The following EYA3 variants were observed in gnomAD, a reference collection of about 807,000 sequenced individuals.
The protein encoded by EYA3 is protein phosphatase EYA3.
Under a neutral mutation model 80.0 loss-of-function variants are expected in EYA3, and 39 were observed. The observed-to-expected ratio is 0.49, with a 90% confidence interval of 0.38 to 0.64. EYA3 has a LOEUF of 0.64. Among genes scored for constraint, EYA3 ranks in the 30% least tolerant of loss-of-function variants. EYA3 has a pLI of 0.00. For missense variants in EYA3, 523 were observed against 676.1 expected (o/e 0.77, Z 2.51); for synonymous variants, 206 against 232.8 (o/e 0.88, Z 1.05).
Position 28,035,473 on chromosome 1 carries a change from G to A in EYA3, c.361+71C>T, listed in dbSNP as rs2148845985. On this transcript the variant is annotated intron_variant, in intron 6 of 17. Coordinates refer to ENST00000373871, the MANE Select transcript of EYA3 (RefSeq NM_001990.4). ...AACTAAGTGCTTTGTAAAGAATGAT[G>A]CATGGCTGATCAAAGTTTCTGCGGA... The A allele has an allele frequency of 1.9e-6, 3 of 1,548,988 alleles. No homozygotes were observed. In the East Asian group the frequency reaches 6.8e-5, roughly 35 times the overall value.
chr1:28,030,093 T>C (rs185877386), intron 6 of EYA3, among the ~76,000 whole-genome samples: 2 of 152,198 alleles, frequency 1.3e-5, no homozygotes, highest in Non-Finnish European at 2.9e-5. Context: ...TCTGATAAAC[T>C]AGGAGTGATT....
rs188015171 is a variant in EYA3 at position 28,017,053 on chromosome 1, T to C, written c.585+101A>G. 8 of 989,106 alleles carry C rather than the reference T, an allele frequency of 8.1e-6. No individual in the cohort carries two copies. In the Admixed American group the frequency reaches 9.8e-5, roughly 12 times the overall value. 61.3% of individuals were successfully genotyped at this position (989,106 alleles called of 1,614,324 possible). The stretch of plus-strand genomic sequence containing the variant: ...AGAAAAAAGTCTCCACAGCCCATAC[T>C]ATTCCTGGTTGTTTCTTAGATAGGC... On this transcript the variant is annotated intron_variant, in intron 8 of 17. Coordinates refer to ENST00000373871, the MANE Select transcript of EYA3 (RefSeq NM_001990.4).
At chr1:27,977,227 C>T in intron 17 of EYA3, 13 of 1,524,898 alleles carry the variant, frequency 8.5e-6, no homozygotes, top group Non-Finnish European at 1.1e-5. Flanking sequence ...CCCTGAATTG[C>T]TACATAAAGT....
intron 1 of EYA3, among the ~76,000 whole-genome samples, chr1:28,077,369 G>T (rs1290654712): frequency 1.3e-5 from 2 of 152,122 alleles, no homozygotes; most frequent in Non-Finnish European, 2.9e-5. Context: ...GCTTCCCAAA[G>T]TGCTGGGATT....
At chr1:27,997,441 A>G (rs970081276) in intron 12 of EYA3, 63 bp from the exon 13 acceptor site, 59 of 1,387,096 alleles carry the variant, frequency 4.3e-5, no homozygotes, top group Non-Finnish European at 5.8e-5. Context: ...CCATCATGAC[A>G]TACTATAAAA....
chr1:28,036,256 G>A (rs1320910423), intron 5 of EYA3, among the ~76,000 whole-genome samples: 1 of 152,150 alleles, frequency 6.6e-6, no homozygotes, highest in East Asian at 1.9e-4. Context: ...AACATTTCTA[G>A]TGTGCTACAT....
intron 6 of EYA3, among the ~76,000 whole-genome samples, chr1:28,030,576 C>A (rs940137766): frequency 5.9e-5 from 9 of 152,240 alleles, no homozygotes; most frequent in African/African-American, 2.2e-4. Flanking sequence ...TATGGGTCAC[C>A]GTGCCTGGCT....
At chr1:28,079,517 C>A (rs764219703) in intron 1 of EYA3, among the ~76,000 whole-genome samples, 1 of 152,168 alleles carries the variant, frequency 6.6e-6, no homozygotes, top group African/African-American at 2.4e-5. Flanking sequence ...TGAAAACCAA[C>A]TGAAAGGACC....
chr1:28,013,422 A>T lies in EYA3; in HGVS notation c.586-128T>A, dbSNP rs6683268. ...AAAACATTAATTTGACTTCTCATTT[A>T]CCTACCTAAAAGTCTCCAATCTAAA... On this transcript the variant is annotated intron_variant, in intron 8 of 17. Coordinates refer to ENST00000373871, the MANE Select transcript of EYA3 (RefSeq NM_001990.4). The surrounding 1 kb of genome is among the most constrained non-coding windows in gnomAD (Gnocchi z 4.0). 0.26 allele frequency: 216,919 copies of T among 843,562 alleles called. 29,058 individuals are homozygous for T. The highest frequency in any genetic ancestry group is 0.3 in the East Asian group (10,568 of 35,688). 52.3% of individuals were successfully genotyped at this position (843,562 alleles called of 1,614,324 possible).
intron 1 of EYA3, among the ~76,000 whole-genome samples, chr1:28,084,577 ATATATATATATATATATATTTTTTTTTT>A (rs1176295708): frequency 0.058 from 859 of 14,686 alleles, 25 homozygotes; most frequent in African/African-American, 0.17. Flanking sequence ...ATATATATAT[ATATATATATATATATATATTTTTTTTTT>A]TTTTTTTTTT....
intron 10 of EYA3, among the ~76,000 whole-genome samples, chr1:28,007,585 A>G (rs1641383367): frequency 6.6e-6 from 1 of 151,988 alleles, no homozygotes; most frequent in African/African-American, 2.4e-5. Context: ...TGCCCACCTC[A>G]GCCTCCCAAA....
intron 1 of EYA3, among the ~76,000 whole-genome samples, chr1:28,077,671 TATGATAA>T (rs1263218671): frequency 6.6e-6 from 1 of 152,136 alleles, no homozygotes; most frequent in Non-Finnish European, 1.5e-5. Context: ...AGAATAAGAA[TATGATAA>T]AAGAAATTTT....
At chr1:28,058,299 C>T (rs1252300044) in intron 1 of EYA3, among the ~76,000 whole-genome samples, 1 of 152,136 alleles carries the variant, frequency 6.6e-6, no homozygotes, top group African/African-American at 2.4e-5. Flanking sequence ...TTTATAATAC[C>T]TTGCAAAAGC....
intron 5 of EYA3, 109 bp from the exon 6 acceptor site, chr1:28,035,789 A>T (rs1029063069): frequency 9.7e-7 from 1 of 1,028,744 alleles, no homozygotes; most frequent in South Asian, 1.6e-5. Flanking sequence ...CAAGGAGACT[A>T]ATCTTCCACA....
chr1:28,075,891 C>A (rs565096137), intron 1 of EYA3, among the ~76,000 whole-genome samples: 1 of 152,294 alleles, frequency 6.6e-6, no homozygotes, highest in South Asian at 2.1e-4. Context: ...AGCCACCTTT[C>A]TTGATTTAAT....
intron 16 of EYA3, among the ~76,000 whole-genome samples, chr1:27,981,505 G>A (rs1339974990): frequency 1.3e-5 from 2 of 152,062 alleles, no homozygotes; most frequent in East Asian, 1.9e-4. Flanking sequence ...TGAAGGGAGC[G>A]CTTTCATATA....
chr1:28,017,511 C>G (rs1333457979), intron 7 of EYA3, among the ~76,000 whole-genome samples: 1 of 152,158 alleles, frequency 6.6e-6, no homozygotes, highest in Non-Finnish European at 1.5e-5. Flanking sequence ...ACAGCTCATA[C>G]TAATAATATC....
chr1:28,080,928 T>A (rs1425340231), intron 1 of EYA3, among the ~76,000 whole-genome samples: 1 of 152,034 alleles, frequency 6.6e-6, no homozygotes, highest in African/African-American at 2.4e-5. Flanking sequence ...TTTTGTATTT[T>A]TTTTTTTGGT....
chr1:28,078,922 T>C (rs1035365799), intron 1 of EYA3, among the ~76,000 whole-genome samples: 1 of 152,174 alleles, frequency 6.6e-6, no homozygotes, highest in Non-Finnish European at 1.5e-5. Flanking sequence ...AATGGAACAA[T>C]GCAGACAGGA....
Sources: allele counts gnomAD v4.1 joint callset (sites outside exome capture counted in the v4.1 genomes callset), GRCh38; gene constraint gnomAD v4.1.1; non-coding constraint Gnocchi (gnomAD v3.1); transcripts MANE v1.5; gene names NCBI Gene and HGNC (gene_info 2026-07-23, HGNC 2026-07-21).